COL9A1: variants seen among roughly 807,000 people sequenced by gnomAD.
The protein encoded by COL9A1 is collagen alpha-1(IX) chain.
Under a neutral mutation model 142.6 loss-of-function variants are expected in COL9A1, and 104 were observed. That is an observed-to-expected ratio of 0.73 (90% CI 0.62 to 0.86). The LOEUF is 0.86. COL9A1 is among the 40% of genes least tolerant of loss of function. The probability of loss-of-function intolerance (pLI) is 0.00; values close to 1 mark genes in which losing one functional copy is unlikely to be tolerated. For synonymous variants in COL9A1, 466 were observed against 396.0 expected (o/e 1.18, Z -2.10); for missense variants, 1,210 against 1,176.6 (o/e 1.03, Z -0.42).
In COL9A1 at chr6:70,267,920, G is replaced by A. The variant is rs550211533; in HGVS notation, c.1287+884C>T. Among the ~76,000 whole-genome samples the A allele has an allele frequency of 5.3e-5, 8 of 152,198 alleles. No homozygotes were observed. The South Asian group carries it at 1.0e-3, about 20-fold the overall frequency. ...ACTCTAATGGAAAATCAGTGCCTTC[G>A]GGCCTTTCAGATCACAGCAGAGCTC... is the stretch of plus-strand genomic sequence containing the variant. On this transcript the variant is annotated intron_variant, in intron 17 of 37. Coordinates refer to ENST00000357250, the MANE Select transcript of COL9A1 (RefSeq NM_001851.6).
intron 12 of COL9A1, among the ~76,000 whole-genome samples, chr6:70,272,583 T>C (rs1417031795): frequency 6.6e-6 from 1 of 152,042 alleles, no homozygotes; most frequent in East Asian, 1.9e-4. Context: ...TTTTGAAAGG[T>C]TGGGCTATAT....
chr6:70,301,010 G>A (rs1385005826), intron 2 of COL9A1, among the ~76,000 whole-genome samples: 1 of 152,082 alleles, frequency 6.6e-6, no homozygotes, highest in Non-Finnish European at 1.5e-5. Flanking sequence ...CGTTCTAAGA[G>A]ATCAAATAAA....
In COL9A1 at chr6:70,274,780, A is replaced by T; in HGVS notation, c.976-8T>A. On this transcript the variant is annotated splice_region_variant and splice_polypyrimidine_tract_variant and intron_variant, in intron 10 of 37. Transcript: ENST00000357250. ...ATCAGGTCCTGTTAATCCCTAATAG[A>T]GCAAGACAATGATGTTAGAACTATC... 1 of 1,610,678 alleles carries T rather than the reference A, an allele frequency of 6.2e-7. No individual in the cohort carries two copies. The highest frequency in any genetic ancestry group is 1.3e-5 in the African/African-American group (1 of 74,920).
chr6:70,235,494 T>C (rs1356110751), intron 33 of COL9A1, among the ~76,000 whole-genome samples: 1 of 152,100 alleles, frequency 6.6e-6, no homozygotes, highest in Non-Finnish European at 1.5e-5. Context: ...CTTTCGGGGA[T>C]AGTTATTCTT....
chr6:70,231,992 T>G (rs2127557133), intron 36 of COL9A1, among the ~76,000 whole-genome samples: 1 of 152,252 alleles, frequency 6.6e-6, no homozygotes, highest in East Asian at 1.9e-4. Context: ...GGGCTTAACT[T>G]GCTTTAAATA....
intron 28 of COL9A1, among the ~76,000 whole-genome samples, chr6:70,249,100 G>A (rs1361642426): frequency 3.3e-5 from 5 of 151,590 alleles, no homozygotes; most frequent in Non-Finnish European, 7.4e-5. Context: ...GAGTAAAGCC[G>A]AAATGAGAAG....
chr6:70,278,340 GTTATC>G (rs1169469952), intron 10 of COL9A1, among the ~76,000 whole-genome samples: 3 of 152,118 alleles, frequency 2.0e-5, no homozygotes, highest in Non-Finnish European at 2.9e-5. Flanking sequence ...GGACTATTTT[GTTATC>G]TTAGCTACTA....
intron 31 of COL9A1, 150 bp from the exon 32 acceptor site, chr6:70,240,883 G>C (rs1770213334): frequency 1.4e-6 from 1 of 734,228 alleles, no homozygotes; most frequent in African/African-American, 1.8e-5. Context: ...TTCCAATCTA[G>C]CTGTCAGTGG....
At chr6:70,222,889 G>A (rs1768977613) in intron 37 of COL9A1, 1 of 152,110 alleles carries the variant, frequency 6.6e-6, no homozygotes, top group African/African-American at 2.4e-5. Flanking sequence ...TTACTGCACA[G>A]AATCCTTTTG....
At chr6:70,289,838 C>G (rs1049532896) in intron 5 of COL9A1, among the ~76,000 whole-genome samples, 4 of 152,090 alleles carry the variant, frequency 2.6e-5, no homozygotes, top group African/African-American at 9.7e-5. Context: ...TTAATCACAG[C>G]CTCATAATTT....
chr6:70,220,209 G>C (rs58885304), intron 37 of COL9A1, among the ~76,000 whole-genome samples: 52,142 of 151,560 alleles, frequency 0.34, 9,110 homozygotes, highest in East Asian at 0.44. Flanking sequence ...TTTTCCATGG[G>C]CATACACTAT....
chr6:70,302,646 G>A (rs1242098484), intron 1 of COL9A1, among the ~76,000 whole-genome samples: 3 of 151,560 alleles, frequency 2.0e-5, no homozygotes, highest in Non-Finnish European at 4.4e-5. Context: ...TTTGTCTCTG[G>A]TTTCTTTCAC....
rs1403820662 is a variant in COL9A1 at position 70,283,734 on chromosome 6, C to A, written c.780+3G>T. 1.9e-6 allele frequency: 3 copies of A among 1,609,268 alleles called. No homozygotes were observed. Among genetic ancestry groups the A allele is most frequent in the South Asian group, 2.2e-5 (2 of 89,760 alleles). ...GGCCTTTGCAGGTAGTCAGGGGACTCACCGTTATTCTGGCTGGCAGCTCAT... is the reference window on the plus strand; with the variant it reads ...GGCCTTTGCAGGTAGTCAGGGGACTAACCGTTATTCTGGCTGGCAGCTCAT... On this transcript the variant is annotated splice_donor_region_variant and intron_variant, in intron 6 of 37. Coordinates refer to ENST00000357250, the MANE Select transcript of COL9A1 (RefSeq NM_001851.6).
At chr6:70,269,003 C>G in intron 16 of COL9A1, 143 bp from the exon 17 acceptor site, 1 of 679,376 alleles carries the variant, frequency 1.5e-6, no homozygotes, top group Non-Finnish European at 2.6e-6. Flanking sequence ...ATTCTAAACA[C>G]CCCTTTCCTT....
intron 37 of COL9A1, among the ~76,000 whole-genome samples, chr6:70,224,250 G>A (rs1325294702): frequency 1.3e-5 from 2 of 152,076 alleles, no homozygotes; most frequent in Non-Finnish European, 2.9e-5. Context: ...AAAGCAAGTC[G>A]GGGAAGCCCC....
At chr6:70,275,625 C>T (rs1772708844) in intron 10 of COL9A1, among the ~76,000 whole-genome samples, 1 of 151,980 alleles carries the variant, frequency 6.6e-6, no homozygotes, top group South Asian at 2.1e-4. Flanking sequence ...CACATATATA[C>T]AAGAATTTCC....
chr6:70,255,356 G>A lies in COL9A1; in HGVS notation c.1538C>T (p.Ala513Val), dbSNP rs1221404677. 6.2e-7 allele frequency: 1 copy of A among 1,614,136 alleles called. No homozygotes were observed. The highest frequency in any genetic ancestry group is 1.7e-5 in the Admixed American group (1 of 60,024). ...DQGQRGPPGE[A>V]GPKGDRGAEG... The stretch of plus-strand genomic sequence containing the variant: ...ACTCACTCTATCTCCTTTGGGACCT[G>A]CTTCTCCTGGAGGTCCTCGCTGTCC... Residue 513 changes from alanine (A) to valine (V), a missense_variant, in exon 22 of 38, where the codon GCA (alanine) becomes GTA (valine). By Grantham distance (64) the Ala-to-Val change is moderately conservative. Coordinates refer to ENST00000357250, the MANE Select transcript of COL9A1 (RefSeq NM_001851.6).
At chr6:70,259,752 T>G (rs1384985625) in intron 20 of COL9A1, among the ~76,000 whole-genome samples, 1 of 152,124 alleles carries the variant, frequency 6.6e-6, no homozygotes, top group Non-Finnish European at 1.5e-5. Context: ...CTTATTTGTC[T>G]TGCCCAATAA....
chr6:70,282,375 G>A (rs995154933), intron 7 of COL9A1, among the ~76,000 whole-genome samples: 1 of 152,232 alleles, frequency 6.6e-6, no homozygotes, highest in African/African-American at 2.4e-5. Flanking sequence ...GGAGGCGGGA[G>A]GCGCTGGAGC....
Sources: gnomAD v4.1 joint callset for allele counts (sites outside exome capture counted in the v4.1 genomes callset) on GRCh38, gnomAD v4.1.1 for gene constraint, MANE v1.5 for transcripts, NCBI Gene and HGNC (gene_info 2026-07-23, HGNC 2026-07-21) for gene names.